TYW1: variants seen among roughly 807,000 people sequenced by gnomAD.
The protein encoded by TYW1 is S-adenosyl-L-methionine-dependent tRNA 4-demethylwyosine synthase TYW1.
TYW1 carries 46 observed loss-of-function variants against 96.2 expected under a neutral mutation model. The observed-to-expected ratio is 0.48, with a 90% CI of 0.38 to 0.61. The LOEUF (loss-of-function observed/expected upper bound fraction) is 0.61, where lower values mean the gene tolerates loss of function less well. TYW1 is among the 20% of genes least tolerant of loss of function. The probability of loss-of-function intolerance (pLI) is 0.00; values close to 1 mark genes in which losing one functional copy is unlikely to be tolerated. For missense variants in TYW1, 684 were observed against 909.6 expected, an observed-to-expected ratio of 0.75 and a Z score of 3.19; for synonymous variants, 274 against 323.0, an observed-to-expected ratio of 0.85 and a Z score of 1.63.
intron 10 of TYW1, among the ~76,000 whole-genome samples, chr7:67,073,449 G>T (rs986150653): frequency 6.6e-5 from 10 of 152,104 alleles, no homozygotes; most frequent in Non-Finnish European, 1.3e-4. Context: ...TCAGTGAAGG[G>T]TATTGCTGGA....
intron 11 of TYW1, among the ~76,000 whole-genome samples, chr7:67,085,405 C>T (rs1169451201): frequency 1.3e-5 from 2 of 152,204 alleles, no homozygotes; most frequent in Non-Finnish European, 2.9e-5. Context: ...GCTCTTCCCC[C>T]TTTGCTCTGC....
intron 11 of TYW1, among the ~76,000 whole-genome samples, chr7:67,084,685 G>A (rs546781010): frequency 1.3e-5 from 2 of 151,966 alleles, no homozygotes; most frequent in African/African-American, 4.8e-5. Context: ...ACCACACCTG[G>A]CTAATTTTTT....
At chr7:67,204,241 T>G (rs1476666085) in intron 15 of TYW1, among the ~76,000 whole-genome samples, 1 of 152,110 alleles carries the variant, frequency 6.6e-6, no homozygotes, top group East Asian at 1.9e-4. Context: ...ATGACACAAA[T>G]GTTAGATTTT....
chr7:67,105,082 G>A (rs949239225), intron 12 of TYW1, among the ~76,000 whole-genome samples: 23 of 152,232 alleles, frequency 1.5e-4, no homozygotes, highest in Non-Finnish European at 2.1e-4. Context: ...AAAGAGCAGC[G>A]AGGGGGGCAA....
chr7:67,018,074 C>T lies in TYW1; in HGVS notation c.792C>T (p.His264=). 6.2e-7 allele frequency: 1 copy of T among 1,614,060 alleles called. No homozygotes were observed. The highest frequency in any genetic ancestry group is 8.5e-7 in the Non-Finnish European group (1 of 1,180,030). The change falls in exon 6 of 16, where the codon CAC becomes CAT. Residue 264 remains histidine (H), a synonymous_variant. Transcript: ENST00000359626. ...GHCKKGKCES[H]QHGSEEREEG... is the part of the protein sequence containing the mutation. ...GCAAGAAAGGCAAATGTGAATCTCA[C>T]CAACATGGCTCAGAGGAGAGGGAGG... is the stretch of plus-strand genomic sequence containing the variant.
chr7:67,052,298 C>T (rs1291225143), intron 8 of TYW1, among the ~76,000 whole-genome samples: 1 of 152,050 alleles, frequency 6.6e-6, no homozygotes, highest in East Asian at 1.9e-4. Flanking sequence ...TAATAATCTG[C>T]TTGAATTTGA....
At chr7:67,224,593 T>C (rs959087561) in intron 15 of TYW1, among the ~76,000 whole-genome samples, 1 of 152,258 alleles carries the variant, frequency 6.6e-6, no homozygotes, top group African/African-American at 2.4e-5. Flanking sequence ...TCTTGAATAA[T>C]AGATCATCAG....
intron 13 of TYW1, among the ~76,000 whole-genome samples, chr7:67,140,741 C>T (rs1335725480): frequency 5.9e-5 from 9 of 152,246 alleles, no homozygotes; most frequent in Non-Finnish European, 5.9e-5. Context: ...GTCAACAGTT[C>T]ATATCTAGTA....
chr7:67,190,964 T>TGG (rs2116330086), intron 14 of TYW1, among the ~76,000 whole-genome samples: 1 of 141,994 alleles, frequency 7.0e-6, no homozygotes, highest in East Asian at 2.2e-4. Flanking sequence ...TGAGGAAGAC[T>TGG]TTATGGCCCC....
At chr7:67,160,136 TAGTGC>T (rs1298953791) in intron 13 of TYW1, among the ~76,000 whole-genome samples, 12 of 152,094 alleles carry the variant, frequency 7.9e-5, no homozygotes, top group African/African-American at 2.9e-4. Context: ...AGGCGGTGGC[TAGTGC>T]CTGTAGTCTT....
chr7:67,005,918 C>T (rs1260127222), intron 3 of TYW1, among the ~76,000 whole-genome samples: 1 of 152,112 alleles, frequency 6.6e-6, no homozygotes, highest in Non-Finnish European at 1.5e-5. Context: ...TCCTCTGGGC[C>T]TTTGCAGTTC....
At chr7:67,095,770 G>T (rs35256723) in intron 11 of TYW1, among the ~76,000 whole-genome samples, 4,386 of 151,670 alleles carry the variant, frequency 0.029, 188 homozygotes, top group African/African-American at 0.1. Flanking sequence ...CCCCTCACAC[G>T]TGGTGCTATC....
At chr7:67,219,340 TAC>T (rs2116412735) in intron 15 of TYW1, among the ~76,000 whole-genome samples, 1 of 152,282 alleles carries the variant, frequency 6.6e-6, no homozygotes, top group Non-Finnish European at 1.5e-5. Flanking sequence ...GATATTCATA[TAC>T]AGTTTTCTTC....
At chr7:67,084,681 C>T (rs1584540977) in intron 11 of TYW1, among the ~76,000 whole-genome samples, 1 of 152,068 alleles carries the variant, frequency 6.6e-6, no homozygotes, top group Non-Finnish European at 1.5e-5. Context: ...GGCCACCACA[C>T]CTGGCTAATT....
At chr7:67,231,352 C>T (rs921929082) in intron 15 of TYW1, among the ~76,000 whole-genome samples, 2 of 152,122 alleles carry the variant, frequency 1.3e-5, no homozygotes, top group African/African-American at 2.4e-5. Context: ...CTCTCTACCA[C>T]CTAGTTCACA....
intron 3 of TYW1, among the ~76,000 whole-genome samples, chr7:67,000,902 T>G (rs2129236329): frequency 6.6e-6 from 1 of 152,126 alleles, no homozygotes; most frequent in East Asian, 1.9e-4. Context: ...AGGTTTTCAC[T>G]ACTTGAGTGC....
At chr7:67,214,042 A>G (rs192928102) in intron 15 of TYW1, among the ~76,000 whole-genome samples, 2 of 152,228 alleles carry the variant, frequency 1.3e-5, no homozygotes. Flanking sequence ...GTCAATGTCT[A>G]CAAAATCACT....
At chr7:67,219,172 G>A (rs1801301308) in intron 15 of TYW1, among the ~76,000 whole-genome samples, 1 of 152,110 alleles carries the variant, frequency 6.6e-6, no homozygotes, top group Admixed American at 6.5e-5. Flanking sequence ...ATGATCATGT[G>A]GTTTTTGTCC....
At chr7:67,152,043 T>C (rs1433469561) in intron 13 of TYW1, among the ~76,000 whole-genome samples, 2 of 151,446 alleles carry the variant, frequency 1.3e-5, no homozygotes, top group East Asian at 3.9e-4. Context: ...AACTCCTGGC[T>C]CAAGTGATCT....
Sources: allele counts gnomAD v4.1 joint callset (sites outside exome capture counted in the v4.1 genomes callset), GRCh38; gene constraint gnomAD v4.1.1; transcripts MANE v1.5; gene names NCBI Gene and HGNC (gene_info 2026-07-23, HGNC 2026-07-21).